The following PEAK1 variants were observed in gnomAD, a reference collection of about 807,000 sequenced individuals.
PEAK1 encodes pseudopodium enriched atypical kinase 1.
PEAK1 carries 54 observed loss-of-function variants against 124.7 expected under a neutral mutation model. The observed-to-expected ratio is 0.43, with a 90% CI of 0.35 to 0.54. The LOEUF is 0.54. Ranked by LOEUF, PEAK1 falls within the 20% of genes least tolerant of loss-of-function variation. The pLI, the probability that PEAK1 is intolerant of heterozygous loss-of-function variation, is 0.01. For synonymous variants in PEAK1, 719 were observed against 760.0 expected (o/e 0.95, Z 0.89); for missense variants, 2,046 against 2,134.5 (o/e 0.96, Z 0.82).
chr15:77,262,669 C>T (rs2061502637), intron 5 of PEAK1, among the ~76,000 whole-genome samples: 1 of 151,612 alleles, frequency 6.6e-6, no homozygotes, highest in African/African-American at 2.4e-5. Flanking sequence ...CTTTAACACC[C>T]CACAGACAAC....
At chr15:77,271,084 G>GA (rs1001342118) in intron 5 of PEAK1, among the ~76,000 whole-genome samples, 2 of 151,796 alleles carry the variant, frequency 1.3e-5, no homozygotes, top group African/African-American at 2.4e-5. Flanking sequence ...AAATTTACAA[G>GA]AAAAAAACAA....
intron 5 of PEAK1, among the ~76,000 whole-genome samples, chr15:77,276,194 G>A (rs2062315751): frequency 6.6e-6 from 1 of 152,112 alleles, no homozygotes; most frequent in Admixed American, 6.6e-5. Flanking sequence ...GAAAAAATAT[G>A]AACTGAAAAG....
intron 6 of PEAK1, among the ~76,000 whole-genome samples, chr15:77,210,398 GC>G (rs1453512632): frequency 6.6e-6 from 1 of 152,106 alleles, no homozygotes; most frequent in African/African-American, 2.4e-5. Context: ...TTGAAACCCA[GC>G]ATTTTAAATC....
chr15:77,330,110 T>C (rs1396045788), intron 2 of PEAK1, among the ~76,000 whole-genome samples: 1 of 152,200 alleles, frequency 6.6e-6, no homozygotes, highest in African/African-American at 2.4e-5. Context: ...TTTTTACTGC[T>C]TTTAAAATAA....
intron 1 of PEAK1, chr15:77,417,465 G>C (rs2072976368): frequency 1.1e-6 from 1 of 936,326 alleles, no homozygotes; most frequent in South Asian, 4.9e-5. Flanking sequence ...GGGGCGGGGG[G>C]GGAGGGGGGC....
At chr15:77,185,031 G>A (rs2057470555) in intron 6 of PEAK1, among the ~76,000 whole-genome samples, 1 of 152,228 alleles carries the variant, frequency 6.6e-6, no homozygotes, top group Admixed American at 6.5e-5. Context: ...TTAAAAGACT[G>A]ACATAGGCAA....
chr15:77,374,031 T>C (rs937589172), intron 1 of PEAK1, among the ~76,000 whole-genome samples: 1 of 152,244 alleles, frequency 6.6e-6, no homozygotes, highest in Admixed American at 6.5e-5. Context: ...TTCAATGTGA[T>C]ACTTTATAGA....
At chr15:77,418,616 C>T (rs1318964417) in intron 1 of PEAK1, 1 of 985,046 alleles carries the variant, frequency 1.0e-6, no homozygotes, top group African/African-American at 1.7e-5. Flanking sequence ...AGAGAAGTCC[C>T]AGGCAAGTCA....
chr15:77,239,745 T>C (rs1451030253), intron 6 of PEAK1: 3 of 678,488 alleles, frequency 4.4e-6, no homozygotes, highest in Middle Eastern at 7.3e-4. Context: ...AGCAAGATTA[T>C]GGGATTTACA....
intron 1 of PEAK1, among the ~76,000 whole-genome samples, chr15:77,375,367 C>T (rs1301335125): frequency 6.6e-6 from 1 of 152,170 alleles, no homozygotes; most frequent in Non-Finnish European, 1.5e-5. Context: ...CTGGCCACTA[C>T]ACCCCACTAA....
intron 2 of PEAK1, among the ~76,000 whole-genome samples, chr15:77,320,100 TC>T (rs1368243959): frequency 6.6e-6 from 1 of 152,200 alleles, no homozygotes; most frequent in African/African-American, 2.4e-5. Context: ...TGAAAGATTC[TC>T]CTAGGCAGAA....
Position 77,273,479 on chromosome 15 carries a change from GC to G in PEAK1, c.-275+10403del, listed in dbSNP as rs1188576752. Among the ~76,000 whole-genome samples, 9 of 152,176 alleles carry G rather than the reference GC, an allele frequency of 5.9e-5. No individual in the cohort carries two copies. In the East Asian group the frequency reaches 1.7e-3, roughly 29 times the overall value. Reference sequence around the variant, plus strand: ...CCTGCTACACATCAACAACAACCAAGCTGAGAATCAAATCAAGAACTCAACC... The same window carrying G: ...CCTGCTACACATCAACAACAACCAAGTGAGAATCAAATCAAGAACTCAACC... On this transcript the variant is annotated intron_variant, in intron 5 of 9. Transcript: ENST00000682557.
At chr15:77,380,015 C>A (rs1457186749) in intron 1 of PEAK1, among the ~76,000 whole-genome samples, 1 of 152,144 alleles carries the variant, frequency 6.6e-6, no homozygotes, top group Non-Finnish European at 1.5e-5. Context: ...TATTTCTTTA[C>A]CTGGCAAATG....
intron 1 of PEAK1, chr15:77,418,710 A>G: frequency 3.0e-6 from 3 of 985,472 alleles, no homozygotes; most frequent in Non-Finnish European, 3.6e-6. Context: ...GTGAGTATCC[A>G]AGATTGCTCA....
At chr15:77,354,492 G>A (rs1478252819) in intron 2 of PEAK1, among the ~76,000 whole-genome samples, 3 of 152,046 alleles carry the variant, frequency 2.0e-5, no homozygotes, top group African/African-American at 7.2e-5. Flanking sequence ...TAAAATATTA[G>A]CCATGTTAAT....
rs115053674 is a variant in PEAK1, at chr15:77,253,210, A to G, written c.-274-684T>C. Among the ~76,000 whole-genome samples, 213 of 145,494 alleles carry G rather than the reference A, an allele frequency of 1.5e-3. 2 individuals carry two copies. Among genetic ancestry groups the G allele is most frequent in the African/African-American group, 5.1e-3 (206 of 40,504 alleles). The stretch of plus-strand genomic sequence containing the variant: ...TATATGCAAACACTACATTTTATAT[A>G]AAGAACCTGAGCATCTGTGAATTTT... On this transcript the variant is annotated intron_variant, in intron 5 of 9. Coordinates refer to ENST00000682557, the MANE Select transcript of PEAK1 (RefSeq NM_001385026.1).
At chr15:77,393,488 C>T (rs1056268879) in intron 1 of PEAK1, among the ~76,000 whole-genome samples, 1 of 152,128 alleles carries the variant, frequency 6.6e-6, no homozygotes, top group Non-Finnish European at 1.5e-5. Context: ...CTATTCCAGG[C>T]CCTAGTTCCT....
At chr15:77,224,152 A>T (rs1046320619) in intron 6 of PEAK1, among the ~76,000 whole-genome samples, 5 of 151,346 alleles carry the variant, frequency 3.3e-5, no homozygotes, top group African/African-American at 1.2e-4. Context: ...TTTCTACTTT[A>T]AGAATCTAAC....
At chr15:77,230,809 G>A (rs2059879486) in intron 6 of PEAK1, among the ~76,000 whole-genome samples, 1 of 152,004 alleles carries the variant, frequency 6.6e-6, no homozygotes, top group Non-Finnish European at 1.5e-5. Flanking sequence ...CTCCAGCCTA[G>A]GAGACAGAGT....
Sources: gnomAD v4.1 joint callset for allele counts (sites outside exome capture counted in the v4.1 genomes callset) on GRCh38, gnomAD v4.1.1 for gene constraint, MANE v1.5 for transcripts, NCBI Gene and HGNC (gene_info 2026-07-23, HGNC 2026-07-21) for gene names.